SSPN: variants seen among roughly 807,000 people sequenced by gnomAD.
SSPN encodes K-ras oncogene-associated protein.
Under a neutral mutation model 19.1 loss-of-function variants are expected in SSPN, and 15 were observed. That is an observed-to-expected ratio of 0.78 (90% CI 0.52 to 1.21). The LOEUF (loss-of-function observed/expected upper bound fraction) is 1.21, where lower values mean the gene tolerates loss of function less well. Among genes scored for constraint, SSPN ranks in the 50% most tolerant of loss-of-function variants. SSPN has a pLI of 0.00. For missense variants in SSPN, 291 were observed against 314.0 expected (o/e 0.93, Z 0.55); for synonymous variants, 147 against 140.3 (o/e 1.05, Z -0.34).
In SSPN at chr12:26,234,347, T is replaced by C. The variant is rs1434925814; in HGVS notation, c.*3271T>C. ...ACCTTCATATTTTCTAGAGATTGTC[T>C]CTGAACCGTTGCTACATAGCCATAA... is the stretch of plus-strand genomic sequence containing the variant. On this transcript the variant is annotated 3_prime_UTR_variant, in exon 3 of 3. Transcript: ENST00000242729. 1 of 152,226 alleles carries C rather than the reference T, an allele frequency of 6.6e-6. No homozygotes were observed. The highest frequency in any genetic ancestry group is 1.5e-5 in the Non-Finnish European group (1 of 68,036). The allele number at this position is 152,226 out of a possible 1,614,324, so 9.4% of individuals were successfully genotyped here.
At position 26,210,590 on chromosome 12, in the gene SSPN, A is replaced by G. The variant is rs978086211; in HGVS notation, c.280-13703A>G. On this transcript the variant is annotated intron_variant, in intron 1 of 2. Coordinates refer to ENST00000242729, the MANE Select transcript of SSPN (RefSeq NM_005086.5). Reference sequence around the variant, plus strand: ...TAGCCAGGTTTTGGTTTATTTTTTCAGGATCACTTTCATGTTACTTTCTCA... The same window carrying G: ...TAGCCAGGTTTTGGTTTATTTTTTCGGGATCACTTTCATGTTACTTTCTCA... Among the ~76,000 whole-genome samples, 8 of 151,972 alleles carry G rather than the reference A, an allele frequency of 5.3e-5. No individual in the cohort carries two copies. The East Asian group carries it at 5.8e-4, about 11-fold the overall frequency.
intron 1 of SSPN, among the ~76,000 whole-genome samples, chr12:26,197,861 A>G (rs1944843766): frequency 6.6e-6 from 1 of 152,170 alleles, no homozygotes; most frequent in Non-Finnish European, 1.5e-5. Flanking sequence ...TTCAACTGAG[A>G]ATCTATGTAG....
At chr12:26,183,946 G>T (rs1462643300) in intron 1 of SSPN, among the ~76,000 whole-genome samples, 1 of 152,188 alleles carries the variant, frequency 6.6e-6, no homozygotes, top group Non-Finnish European at 1.5e-5. Flanking sequence ...GTGAATAAGA[G>T]CTCCAGAGAG....
intron 1 of SSPN, among the ~76,000 whole-genome samples, chr12:26,159,781 A>T (rs1284818603): frequency 6.6e-6 from 1 of 152,212 alleles, no homozygotes; most frequent in East Asian, 1.9e-4. Flanking sequence ...AAATAAAAAT[A>T]AAAACAAAAA....
In SSPN at chr12:26,195,949, A is replaced by G. The variant is rs759757449; in HGVS notation, c.277A>G (p.Ile93Val). 26 of 1,504,972 alleles carry G rather than the reference A, an allele frequency of 1.7e-5. No homozygotes were observed. The highest frequency in any genetic ancestry group is 2.3e-5 in the Non-Finnish European group (26 of 1,128,572). The allele number at this position is 1,504,972 out of a possible 1,614,324, so 93.2% of individuals were successfully genotyped here. A position where few individuals can be genotyped will look rare whatever the true frequency, so the allele number is the denominator to read the frequency against. The change falls in exon 1 of 3, where the codon ATT (isoleucine) becomes GTT (valine). Residue 93 changes from isoleucine to valine, a missense_variant and splice_region_variant. By Grantham distance (29) the Ile-to-Val change is conservative. Transcript: ENST00000242729. Reference sequence around the variant, plus strand: ...GGACACTCCATTTTGGGCTGGGATCATTGTAAGCATCAAGTCTGTTTTGCC... The same window carrying G: ...GGACACTCCATTTTGGGCTGGGATCGTTGTAAGCATCAAGTCTGTTTTGCC... Reference protein sequence around the residue: ...VRDTPFWAGIIVCLVAYLGLF... With the variant: ...VRDTPFWAGIVVCLVAYLGLF...
At chr12:26,126,295 G>C in intron 1 of SSPN, 1 of 152,374 alleles carries the variant, frequency 6.6e-6, no homozygotes, top group Admixed American at 6.5e-5. Flanking sequence ...TGTCCTGAGG[G>C]ACTCCCAGGG....
intron 1 of SSPN, among the ~76,000 whole-genome samples, chr12:26,186,215 CA>C (rs1380019793): frequency 1.5e-5 from 2 of 135,428 alleles, no homozygotes; most frequent in Non-Finnish European, 3.2e-5. Context: ...AAAAAAAAAA[CA>C]ACAACCATTT....
At chr12:26,157,530 C>T (rs1278239746) in intron 1 of SSPN, among the ~76,000 whole-genome samples, 1 of 152,164 alleles carries the variant, frequency 6.6e-6, no homozygotes, top group Non-Finnish European at 1.5e-5. Flanking sequence ...CAATGCCACA[C>T]TGACACTCTC....
Position 26,233,331 on chromosome 12 carries a change from G to GATATATATATATAT in SSPN, c.*2261_*2274dup, listed in dbSNP as rs10547333. Reference sequence around the variant, plus strand: ...CTTTATAATAGTATAACCGTCAGGAGATATATATATATATATATACACATA... The same window carrying GATATATATATATAT: ...CTTTATAATAGTATAACCGTCAGGAGATATATATATATATATATATATATATATATATACACATA... On this transcript the variant is annotated 3_prime_UTR_variant, in exon 3 of 3. Coordinates refer to ENST00000242729, the MANE Select transcript of SSPN (RefSeq NM_005086.5). The surrounding 1 kb of genome is among the most constrained non-coding windows in gnomAD (Gnocchi z 4.3). 379 of 144,616 alleles carry GATATATATATATAT rather than the reference G, an allele frequency of 2.6e-3. 5 individuals carry two copies. Among genetic ancestry groups the GATATATATATATAT allele is most frequent in the African/African-American group, 9.4e-3 (344 of 36,564 alleles). The allele number at this position is 144,616 out of a possible 1,614,324, so 9.0% of individuals were successfully genotyped here.
intron 1 of SSPN, among the ~76,000 whole-genome samples, chr12:26,188,738 G>A (rs754832619): frequency 6.6e-6 from 1 of 152,192 alleles, no homozygotes; most frequent in Admixed American, 6.5e-5. Flanking sequence ...CCTTTGCACT[G>A]TGCTAGGCAC....
intron 1 of SSPN, among the ~76,000 whole-genome samples, chr12:26,159,023 C>A (rs968252587): frequency 6.6e-6 from 1 of 152,238 alleles, no homozygotes; most frequent in African/African-American, 2.4e-5. Flanking sequence ...TTCATTAAGA[C>A]TCCTCATGGG....
intron 1 of SSPN, among the ~76,000 whole-genome samples, chr12:26,146,824 A>T (rs1019623532): frequency 1.3e-5 from 2 of 151,692 alleles, no homozygotes; most frequent in African/African-American, 4.8e-5. Flanking sequence ...TGTCTAAAAA[A>T]AAAAAAGAAA....
At chr12:26,123,887 G>A in intron 1 of SSPN, 1 of 760,260 alleles carries the variant, frequency 1.3e-6, no homozygotes, top group Non-Finnish European at 2.3e-6. Context: ...CACAAGACAG[G>A]TTATAAATGA....
intron 1 of SSPN, among the ~76,000 whole-genome samples, chr12:26,220,875 A>G (rs1945112905): frequency 6.6e-6 from 1 of 152,052 alleles, no homozygotes; most frequent in Non-Finnish European, 1.5e-5. Flanking sequence ...TCACTCAAAC[A>G]CACCCACTCC....
intron 1 of SSPN, chr12:26,124,831 A>G (rs756493555): frequency 3.2e-6 from 5 of 1,579,236 alleles, no homozygotes; most frequent in Non-Finnish European, 4.4e-6. Context: ...TCTGTACAAT[A>G]ATCTGTGGGA....
chr12:26,195,333 C>A (rs1465124316), upstream of SSPN: 3 of 272,362 alleles, frequency 1.1e-5, no homozygotes, highest in Non-Finnish European at 1.4e-5. Flanking sequence ...ACAGACGCCC[C>A]GCACTCGCAC....
At chr12:26,156,550 A>G (rs918435365) in intron 1 of SSPN, among the ~76,000 whole-genome samples, 1 of 152,230 alleles carries the variant, frequency 6.6e-6, no homozygotes, top group Non-Finnish European at 1.5e-5. Flanking sequence ...GCAACCGAGT[A>G]GCTCAGAAAG....
chr12:26,126,320 A>G (rs1469637361), intron 1 of SSPN: 1 of 152,184 alleles, frequency 6.6e-6, no homozygotes, highest in Non-Finnish European at 1.5e-5. Context: ...GATGGAGGCT[A>G]TATATATATT....
chr12:26,157,165 G>A (rs1379003839), intron 1 of SSPN, among the ~76,000 whole-genome samples: 1 of 152,166 alleles, frequency 6.6e-6, no homozygotes, highest in African/African-American at 2.4e-5. Flanking sequence ...GTTTGTGGTA[G>A]GGTTTTCCGG....
Sources: gnomAD v4.1 joint callset for allele counts (sites outside exome capture counted in the v4.1 genomes callset) on GRCh38, gnomAD v4.1.1 for gene constraint, Gnocchi (gnomAD v3.1) non-coding constraint, MANE v1.5 for transcripts, NCBI Gene and HGNC (gene_info 2026-07-23, HGNC 2026-07-21) for gene names.